UBA3: variants seen among roughly 807,000 people sequenced by gnomAD.
UBA3 encodes ubiquitin like modifier activating enzyme 3, also known as NEDD8-activating enzyme E1 catalytic subunit.
A neutral mutation model predicts 73.5 loss-of-function variants in UBA3; 26 were observed. The ratio of observed to expected loss-of-function variants is 0.35; its 90% CI spans 0.26 to 0.49. The LOEUF (loss-of-function observed/expected upper bound fraction) is 0.49. Among genes scored for constraint, UBA3 ranks in the 20% least tolerant of loss-of-function variants. The pLI is 0.98. For missense variants in UBA3, 495 were observed against 555.6 expected, an observed-to-expected ratio of 0.89 and a Z score of 1.10; for synonymous variants, 217 against 191.2, an observed-to-expected ratio of 1.13 and a Z score of -1.11.
intron 7 of UBA3, 92 bp downstream of exon 7, chr3:69,063,976 A>C (rs542911917): frequency 9.2e-7 from 1 of 1,091,714 alleles, no homozygotes; most frequent in African/African-American, 1.6e-5. Context: ...CAAGTGAAGA[A>C]ATAGCCTTGA....
chr3:69,071,738 T>C (rs975209573), intron 4 of UBA3, 121 bp from the exon 5 acceptor site: 3 of 593,898 alleles, frequency 5.1e-6, no homozygotes, highest in Admixed American at 4.0e-5. Context: ...GTAATTTGTA[T>C]TCAATGGCTG....
intron 11 of UBA3, 52 bp from the exon 12 acceptor site, chr3:69,057,361 T>A (rs2091983146): frequency 2.7e-6 from 4 of 1,500,086 alleles, no homozygotes; most frequent in Non-Finnish European, 3.6e-6. Flanking sequence ...ATAAAAGAGT[T>A]CTCTTAAATT....
intron 5 of UBA3, among the ~76,000 whole-genome samples, chr3:69,068,460 A>G (rs1340128390): frequency 6.6e-6 from 1 of 151,860 alleles, no homozygotes; most frequent in African/African-American, 2.4e-5. Context: ...GTGCTGATTA[A>G]GCAGCAAATT....
intron 6 of UBA3, among the ~76,000 whole-genome samples, chr3:69,064,472 GTT>G (rs974223332): frequency 1.3e-5 from 2 of 152,308 alleles, no homozygotes; most frequent in African/African-American, 4.8e-5. Flanking sequence ...TGCAATAAAT[GTT>G]TTAGTGAAGG....
intron 17 of UBA3, 33 bp downstream of exon 17, chr3:69,055,813 GAAAGA>G: frequency 2.5e-6 from 4 of 1,572,300 alleles, no homozygotes; most frequent in Non-Finnish European, 3.5e-6. Flanking sequence ...AGAGAGAAAA[GAAAGA>G]AAATGATTAG....
At chr3:69,056,511 G>A in intron 14 of UBA3, 101 bp downstream of exon 14, 1 of 1,062,482 alleles carries the variant, frequency 9.4e-7, no homozygotes, top group Non-Finnish European at 1.4e-6. Flanking sequence ...TAGAGTTCTG[G>A]AAGTTAGAAA....
rs759367059 is a variant in UBA3, at chr3:69,062,137, G to A, written c.736C>T (p.Pro246Ser). 1.2e-6 allele frequency: 2 copies of A among 1,613,604 alleles called. No homozygotes were observed. ...MCTIASMPRL[P>S]EHCIEYVRML... Reference sequence around the variant, plus strand: ...CTTACATACTCAATACAGTGTTCTGGTAGCCTGGGCATAGATGCAATGGTG... The same window carrying A: ...CTTACATACTCAATACAGTGTTCTGATAGCCTGGGCATAGATGCAATGGTG... Residue 246 changes from proline (P) to serine (S), a missense_variant, in exon 10 of 18, where the codon CCA (proline) becomes TCA (serine). Pro to Ser is a moderately conservative substitution (Grantham distance 74, BLOSUM62 -1). Transcript: ENST00000361055.
rs1484511736 is a variant in UBA3 at position 69,056,199 on chromosome 3, T to A, written c.1168A>T (p.Thr390Ser). 6.3e-7 allele frequency: 1 copy of A among 1,593,454 alleles called. No homozygotes were observed. The highest frequency in any genetic ancestry group is 1.8e-5 in the Admixed American group (1 of 54,072). ...AATACTTACAGAGAAGCACTATTGG[T>A]TAGATAATCCAAAACCTCCTGTAGT... ...AKLQEVLDYL[T>S]NSASLQMKSP... Residue 390 changes from threonine to serine, a missense_variant, in exon 15 of 18, where the codon ACC (threonine) becomes TCC (serine). Thr to Ser is a moderately conservative substitution (Grantham distance 58, BLOSUM62 1). Transcript: ENST00000361055.
At chr3:69,080,005 G>A (rs1320292303) in intron 2 of UBA3, 107 bp downstream of exon 2, 6 of 1,056,144 alleles carry the variant, frequency 5.7e-6, no homozygotes, top group Non-Finnish European at 8.2e-6. Flanking sequence ...TGCGCTCCGG[G>A]TGTCCCCCTC....
intron 11 of UBA3, among the ~76,000 whole-genome samples, chr3:69,057,818 CACAA>C (rs750351939): frequency 4.7e-4 from 72 of 151,600 alleles, no homozygotes; most frequent in Admixed American, 1.3e-4. Flanking sequence ...TCACTTGATT[CACAA>C]ACATTCAAAA....
intron 11 of UBA3, among the ~76,000 whole-genome samples, chr3:69,058,099 T>G (rs1028164496): frequency 6.6e-5 from 10 of 151,836 alleles, no homozygotes; most frequent in Admixed American, 2.0e-4. Flanking sequence ...CCTGGCTAAT[T>G]TTTTGTATTT....
Position 69,066,521 on chromosome 3 carries a change from G to A in UBA3, c.428+1407C>T, listed in dbSNP as rs530284071. On this transcript the variant is annotated intron_variant, in intron 6 of 17. Transcript: ENST00000361055. The stretch of plus-strand genomic sequence containing the variant: ...TGCAGTAGCGCAATTTCAGCTCACT[G>A]CAACCTCAGCCTCCTAGGGTCAAGC... Among the ~76,000 whole-genome samples the A allele has an allele frequency of 1.4e-4, 22 of 152,002 alleles. No individual in the cohort carries two copies. In the South Asian group the frequency reaches 4.2e-3, roughly 29 times the overall value.
intron 6 of UBA3, among the ~76,000 whole-genome samples, chr3:69,067,477 G>A (rs1216820700): frequency 2.0e-5 from 3 of 152,126 alleles, no homozygotes; most frequent in Non-Finnish European, 4.4e-5. Context: ...AAACTACAGT[G>A]TAAATACTCC....
At chr3:69,063,181 A>T (rs779026220) in intron 8 of UBA3, 44 bp from the exon 9 acceptor site, 1 of 1,604,006 alleles carries the variant, frequency 6.2e-7, no homozygotes, top group South Asian at 1.1e-5. Flanking sequence ...AGGGGATAAG[A>T]ATTCAAAAGA....
intron 5 of UBA3, 130 bp downstream of exon 5, chr3:69,071,405 T>C: frequency 1.8e-6 from 1 of 571,050 alleles, no homozygotes; most frequent in East Asian, 3.6e-5. Context: ...GGAATGGTAG[T>C]TTTTGTTTTT....
intron 12 of UBA3, 56 bp downstream of exon 12, chr3:69,057,200 A>C: frequency 6.4e-7 from 1 of 1,550,470 alleles, no homozygotes; most frequent in Non-Finnish European, 8.8e-7. Flanking sequence ...AAGCTGCAGC[A>C]ACGTCAAAAA....
chr3:69,056,100 T>A, intron 15 of UBA3, 37 bp from the exon 16 acceptor site: 1 of 1,565,634 alleles, frequency 6.4e-7, no homozygotes, highest in South Asian at 1.2e-5. Context: ...TCAAACATAA[T>A]TTTTATCAAA....
rs559250944 is a variant in UBA3, at chr3:69,057,110, A to G, written c.964+146T>C. ...ACATAATGTAAGACAAAAAATATGC[A>G]AAGTCTAATAACTGGTTCTTTTTCG... On this transcript the variant is annotated intron_variant, in intron 12 of 17. Transcript: ENST00000361055. 81 of 910,948 alleles carry G rather than the reference A, an allele frequency of 8.9e-5. No homozygotes were observed. The African/African-American group carries it at 9.3e-4, about 10-fold the overall frequency. The allele number at this position is 910,948 out of a possible 1,614,324, so 56.4% of individuals were successfully genotyped here.
At chr3:69,058,826 C>T (rs913446119) in intron 11 of UBA3, among the ~76,000 whole-genome samples, 13 of 152,156 alleles carry the variant, frequency 8.5e-5, no homozygotes, top group African/African-American at 3.1e-4. Context: ...ATAGATAGAA[C>T]CACTGGCTTG....
Sources: allele counts gnomAD v4.1 joint callset (sites outside exome capture counted in the v4.1 genomes callset), GRCh38; gene constraint gnomAD v4.1.1; transcripts MANE v1.5; gene names NCBI Gene and HGNC (gene_info 2026-07-23, HGNC 2026-07-21).